AHCYL2: variants seen among roughly 807,000 people sequenced by gnomAD.
The protein encoded by AHCYL2 is S-adenosylhomocysteine hydrolase-like protein 2.
In AHCYL2, 28 loss-of-function variants were observed where a neutral mutation model predicts 81.4. The observed-to-expected ratio is 0.34, with a 90% confidence interval of 0.25 to 0.47. The LOEUF (loss-of-function observed/expected upper bound fraction) is 0.47, where lower values mean the gene tolerates loss of function less well. Among genes scored for constraint, AHCYL2 ranks in the 20% least tolerant of loss-of-function variants. AHCYL2 has a pLI of 1.00. For synonymous variants in AHCYL2, 272 were observed against 290.2 expected (o/e 0.94, Z 0.64); for missense variants, 551 against 785.1 (o/e 0.70, Z 3.56).
intron 1 of AHCYL2, among the ~76,000 whole-genome samples, chr7:129,295,354 T>C (rs980557183): frequency 2.0e-5 from 3 of 152,186 alleles, no homozygotes; most frequent in African/African-American, 7.2e-5. Context: ...GCTTTAAAAA[T>C]GTTACGTATG....
At chr7:129,247,478 T>C (rs1031881292) in intron 1 of AHCYL2, among the ~76,000 whole-genome samples, 1 of 152,250 alleles carries the variant, frequency 6.6e-6, no homozygotes, top group Admixed American at 6.5e-5. Context: ...TTTTCAGATA[T>C]GTGATTTGCA....
At chr7:129,373,556 C>A (rs757867677) in intron 1 of AHCYL2, among the ~76,000 whole-genome samples, 3 of 151,712 alleles carry the variant, frequency 2.0e-5, no homozygotes, top group Non-Finnish European at 2.9e-5. Context: ...GCCGAGATCG[C>A]GCCACTGCAC....
rs75882081 is a variant in AHCYL2 at position 129,247,404 on chromosome 7, A to G, written c.363+21965A>G. On this transcript the variant is annotated intron_variant, in intron 1 of 16. Coordinates refer to ENST00000325006, the MANE Select transcript of AHCYL2 (RefSeq NM_015328.4). ...TGTTTACATCATTTTCCCATTTTTA[A>G]TTGGGTTGTTTTATTATTGAGTTGT... Among the ~76,000 whole-genome samples the G allele has an allele frequency of 2.2e-3, 335 of 152,052 alleles. 4 individuals carry two copies. Among genetic ancestry groups the G allele is most frequent in the East Asian group, 0.02 (106 of 5,176 alleles).
rs71162592 is a variant in AHCYL2, at chr7:129,299,369, G to GTTTTTTT, written c.363+73966_363+73972dup. 8.4e-4 allele frequency among the ~76,000 whole-genome samples: 39 copies of GTTTTTTT among 46,308 alleles called. 5 individuals are homozygous for GTTTTTTT. The highest frequency in any genetic ancestry group is 1.3e-3 in the African/African-American group (16 of 12,218). The allele number at this position is 46,308 out of a possible 152,430, so 30.4% of individuals were successfully genotyped here. A position where few individuals can be genotyped will look rare whatever the true frequency, so the allele number is the denominator to read the frequency against. ...AGGCTGAGGTGGGAGAGTCCAACTT[G>GTTTTTTT]TTTTTTTTTTTTTTTTTTTTTTTTT... On this transcript the variant is annotated intron_variant, in intron 1 of 16. Transcript: ENST00000325006.
At position 129,362,275 on chromosome 7, in the gene AHCYL2, A is replaced by G. The variant is rs113285603; in HGVS notation, c.364-17363A>G. Among the ~76,000 whole-genome samples the G allele has an allele frequency of 7.0e-3, 1,063 of 152,286 alleles. 13 individuals carry two copies. Among genetic ancestry groups the G allele is most frequent in the African/African-American group, 0.025 (1,023 of 41,544 alleles). ...CAAGTCTATTCAACTTTAAAAGCCTATAGTCTTTACCTGTAATGATGATGC... is the reference window on the plus strand; with the variant it reads ...CAAGTCTATTCAACTTTAAAAGCCTGTAGTCTTTACCTGTAATGATGATGC... On this transcript the variant is annotated intron_variant, in intron 1 of 16. Coordinates refer to ENST00000325006, the MANE Select transcript of AHCYL2 (RefSeq NM_015328.4).
chr7:129,325,385 T>C (rs2150795128), intron 1 of AHCYL2, among the ~76,000 whole-genome samples: 1 of 152,364 alleles, frequency 6.6e-6, no homozygotes, highest in East Asian at 1.9e-4. Context: ...ATGAGAAGTC[T>C]GTTGTTAACC....
At chr7:129,252,331 A>G (rs1322338593) in intron 1 of AHCYL2, among the ~76,000 whole-genome samples, 1 of 152,272 alleles carries the variant, frequency 6.6e-6, no homozygotes, top group Admixed American at 6.5e-5. Context: ...TGAGTAGTAT[A>G]TAGCAACATG....
intron 1 of AHCYL2, among the ~76,000 whole-genome samples, chr7:129,279,300 C>T (rs903773147): frequency 6.6e-6 from 1 of 151,714 alleles, no homozygotes; most frequent in Non-Finnish European, 1.5e-5. Flanking sequence ...CAGACGCACG[C>T]CACAAGACCT....
At chr7:129,415,686 C>G (rs75111052) in intron 12 of AHCYL2, among the ~76,000 whole-genome samples, 1 of 151,302 alleles carries the variant, frequency 6.6e-6, no homozygotes, top group East Asian at 1.9e-4. Flanking sequence ...TGTGGTGGCT[C>G]ACACCTGTAA....
chr7:129,350,009 T>C (rs973500819), intron 1 of AHCYL2, among the ~76,000 whole-genome samples: 1 of 152,278 alleles, frequency 6.6e-6, no homozygotes, highest in African/African-American at 2.4e-5. Flanking sequence ...ATTCATATTA[T>C]TGTACAACTC....
intron 1 of AHCYL2, among the ~76,000 whole-genome samples, chr7:129,362,597 GTTTTTTTTTTTTTT>G (rs769346623): frequency 1.7e-3 from 110 of 63,648 alleles, no homozygotes; most frequent in Non-Finnish European, 2.9e-3. Flanking sequence ...TGGTTTTCTT[GTTTTTTTTTTTTTT>G]TTTTTTTTTT....
intron 1 of AHCYL2, among the ~76,000 whole-genome samples, chr7:129,257,937 G>A (rs959839939): frequency 1.2e-4 from 19 of 152,178 alleles, no homozygotes; most frequent in African/African-American, 3.9e-4. Context: ...AAGAAAACAT[G>A]TTAACACATT....
intron 1 of AHCYL2, among the ~76,000 whole-genome samples, chr7:129,273,686 T>C (rs1432107579): frequency 6.6e-6 from 1 of 152,178 alleles, no homozygotes; most frequent in African/African-American, 2.4e-5. Flanking sequence ...TAAAGGGATA[T>C]CTAGAGGTCT....
At chr7:129,340,567 C>CAA (rs569272896) in intron 1 of AHCYL2, among the ~76,000 whole-genome samples, 13 of 82,192 alleles carry the variant, frequency 1.6e-4, no homozygotes, top group Non-Finnish European at 1.8e-4. Flanking sequence ...GACTCCGTCT[C>CAA]AAAAAAAAAA....
At position 129,281,741 on chromosome 7, in the gene AHCYL2, G is replaced by A. The variant is rs190334003; in HGVS notation, c.363+56302G>A. 1.3e-4 allele frequency among the ~76,000 whole-genome samples: 20 copies of A among 151,986 alleles called. No homozygotes were observed. In the Middle Eastern group the frequency reaches 0.014, roughly 103 times the overall value. The stretch of plus-strand genomic sequence containing the variant: ...TTGAACTCCTGTACTCAAGTGATCC[G>A]CCTGCCTTGGCCTCCCAAAGTGCTG... On this transcript the variant is annotated intron_variant, in intron 1 of 16. Transcript: ENST00000325006.
At chr7:129,235,425 T>A (rs1343361106) in intron 1 of AHCYL2, among the ~76,000 whole-genome samples, 2 of 151,890 alleles carry the variant, frequency 1.3e-5, no homozygotes, top group Non-Finnish European at 2.9e-5. Context: ...TCATTCTTCT[T>A]CTTCTTCTTT....
intron 1 of AHCYL2, among the ~76,000 whole-genome samples, chr7:129,358,377 G>A (rs963877207): frequency 2.0e-5 from 3 of 152,020 alleles, no homozygotes; most frequent in South Asian, 2.1e-4. Flanking sequence ...GGGAGACAGA[G>A]CGAGACTCCG....
intron 2 of AHCYL2, among the ~76,000 whole-genome samples, chr7:129,387,097 C>G (rs1795238234): frequency 6.6e-6 from 1 of 152,208 alleles, no homozygotes; most frequent in South Asian, 2.1e-4. Context: ...AAGTCATGTT[C>G]TCCTATTATA....
rs112156273 is a variant in AHCYL2, at chr7:129,302,950, T to C, written c.364-76688T>C. On this transcript the variant is annotated intron_variant, in intron 1 of 16. Transcript: ENST00000325006. ...TGGTGTTAGTTCTTCTTTAAATGTTTGGTAAAATTCAGCAGTGAAGCCATT... is the reference window on the plus strand; with the variant it reads ...TGGTGTTAGTTCTTCTTTAAATGTTCGGTAAAATTCAGCAGTGAAGCCATT... 6.1e-3 allele frequency among the ~76,000 whole-genome samples: 926 copies of C among 152,268 alleles called. 12 individuals carry two copies. The highest frequency in any genetic ancestry group is 0.021 in the African/African-American group (892 of 41,542).
Sources: allele counts gnomAD v4.1 joint callset (sites outside exome capture counted in the v4.1 genomes callset), GRCh38; gene constraint gnomAD v4.1.1; transcripts MANE v1.5; gene names NCBI Gene and HGNC (gene_info 2026-07-23, HGNC 2026-07-21).